The following KIF6 variants were observed in gnomAD, a reference collection of about 807,000 sequenced individuals.
KIF6 encodes the protein kinesin family member 6, also known as kinesin-like protein KIF6.
KIF6 carries 106 observed loss-of-function variants against 112.7 expected under a neutral mutation model. That is an observed-to-expected ratio of 0.94 (90% CI 0.80 to 1.11). The LOEUF (loss-of-function observed/expected upper bound fraction) is 1.11. KIF6 is among the 50% of genes least tolerant of loss of function. The pLI is 0.00. For missense variants in KIF6, 929 were observed against 964.0 expected (o/e 0.96, Z 0.48); for synonymous variants, 339 against 339.9 (o/e 1.00, Z 0.03).
intron 9 of KIF6, among the ~76,000 whole-genome samples, chr6:39,579,221 C>A (rs1693405075): frequency 6.6e-6 from 1 of 152,024 alleles, no homozygotes; most frequent in Non-Finnish European, 1.5e-5. Context: ...TTCCTGTTTC[C>A]ACATTTTTGT....
At chr6:39,523,622 C>T (rs1777520679) in intron 13 of KIF6, among the ~76,000 whole-genome samples, 1 of 125,956 alleles carries the variant, frequency 7.9e-6, no homozygotes, top group African/African-American at 3.1e-5. Context: ...CTCTTCTTTA[C>T]TTCCCTCCCC....
At chr6:39,445,037 T>G (rs533713212) in intron 13 of KIF6, among the ~76,000 whole-genome samples, 8 of 152,268 alleles carry the variant, frequency 5.3e-5, no homozygotes, top group Admixed American at 2.0e-4. Context: ...GGCTGGCTTG[T>G]AGTGAATCCT....
chr6:39,351,387 C>T (rs558902957), intron 19 of KIF6, among the ~76,000 whole-genome samples: 43 of 151,378 alleles, frequency 2.8e-4, no homozygotes, highest in Non-Finnish European at 5.5e-4. Flanking sequence ...TGTGCCACCA[C>T]GCCCGGCTAT....
chr6:39,537,409 C>T lies in KIF6; in HGVS notation c.1645+2594G>A, dbSNP rs1001822168. 8.5e-4 allele frequency among the ~76,000 whole-genome samples: 129 copies of T among 152,048 alleles called. No homozygotes were observed. In the East Asian group the frequency reaches 0.021, roughly 24 times the overall value. On this transcript the variant is annotated intron_variant, in intron 13 of 22. Transcript: ENST00000287152. ...CAATGTACAAAAATCACAAGCATTCCTATACACCAACAACAGACAAACAGA... is the reference window on the plus strand; with the variant it reads ...CAATGTACAAAAATCACAAGCATTCTTATACACCAACAACAGACAAACAGA...
At chr6:39,557,662 G>T (rs976073050) in intron 10 of KIF6, among the ~76,000 whole-genome samples, 1 of 151,974 alleles carries the variant, frequency 6.6e-6, no homozygotes, top group African/African-American at 2.4e-5. Context: ...ACAAAATTTT[G>T]TATATATTTT....
intron 13 of KIF6, among the ~76,000 whole-genome samples, chr6:39,445,320 G>A (rs1395090421): frequency 6.6e-6 from 1 of 152,164 alleles, no homozygotes; most frequent in Non-Finnish European, 1.5e-5. Flanking sequence ...GAGGCAAGAA[G>A]CATCCAGGAG....
At chr6:39,689,920 T>C (rs901381032) in intron 3 of KIF6, 4 of 152,130 alleles carry the variant, frequency 2.6e-5, no homozygotes, top group African/African-American at 9.7e-5. Flanking sequence ...TCAGTACAGG[T>C]TAACAATAAT....
rs192960737 is a variant in KIF6, at chr6:39,586,057, T to G, written c.990+204A>C. Among the ~76,000 whole-genome samples, 4 of 152,268 alleles carry G rather than the reference T, an allele frequency of 2.6e-5. No individual in the cohort carries two copies. In the East Asian group the frequency reaches 7.7e-4, roughly 29 times the overall value. ...CTATCCTGTGCTATGTGAAGTCAAT[T>G]CTCAAATGGGGTTATTATAACAATG... On this transcript the variant is annotated intron_variant, in intron 8 of 22. Transcript: ENST00000287152.
chr6:39,407,573 G>A (rs1388650189), intron 15 of KIF6, among the ~76,000 whole-genome samples: 1 of 152,148 alleles, frequency 6.6e-6, no homozygotes, highest in Non-Finnish European at 1.5e-5. Flanking sequence ...TATGCTGTTT[G>A]GCAAAACAAC....
intron 16 of KIF6, among the ~76,000 whole-genome samples, chr6:39,368,940 G>A (rs1765767029): frequency 6.6e-6 from 1 of 152,198 alleles, no homozygotes; most frequent in Non-Finnish European, 1.5e-5. Flanking sequence ...AGACATCAGA[G>A]CCAGGAGGCA....
intron 3 of KIF6, among the ~76,000 whole-genome samples, chr6:39,712,647 G>A (rs943547854): frequency 6.6e-5 from 10 of 152,092 alleles, no homozygotes; most frequent in African/African-American, 1.9e-4. Flanking sequence ...GGTGGATCAC[G>A]AGGTCAGGAG....
chr6:39,548,312 G>T (rs1779174628), intron 10 of KIF6, among the ~76,000 whole-genome samples: 1 of 152,172 alleles, frequency 6.6e-6, no homozygotes, highest in Non-Finnish European at 1.5e-5. Flanking sequence ...CTGGGCTTTG[G>T]TATTCCATCA....
At chr6:39,529,210 A>G (rs1777907223) in intron 13 of KIF6, among the ~76,000 whole-genome samples, 1 of 152,234 alleles carries the variant, frequency 6.6e-6, no homozygotes, top group Non-Finnish European at 1.5e-5. Context: ...TTACTAGAAG[A>G]AAAGATGGGG....
chr6:39,430,573 A>G (rs772464074), intron 14 of KIF6, among the ~76,000 whole-genome samples: 6 of 152,212 alleles, frequency 3.9e-5, no homozygotes, highest in Non-Finnish European at 5.9e-5. Flanking sequence ...GTCAGCAGAT[A>G]ATCCTGCCTG....
At chr6:39,345,644 G>T in intron 21 of KIF6, 56 bp downstream of exon 21, 1 of 1,416,070 alleles carries the variant, frequency 7.1e-7, no homozygotes, top group Non-Finnish European at 9.8e-7. Flanking sequence ...GGAGATGGAG[G>T]CCCACTCCGC....
intron 15 of KIF6, among the ~76,000 whole-genome samples, chr6:39,391,154 T>C (rs1459212395): frequency 6.6e-6 from 1 of 152,116 alleles, no homozygotes; most frequent in Non-Finnish European, 1.5e-5. Flanking sequence ...GAAGACATTG[T>C]GGGATTTGAT....
intron 13 of KIF6, among the ~76,000 whole-genome samples, chr6:39,458,522 G>T (rs1773289785): frequency 6.6e-6 from 1 of 151,066 alleles, no homozygotes. Flanking sequence ...TTCTGGCCAG[G>T]GCACTCAGGC....
At position 39,335,363 on chromosome 6, in the gene KIF6, G is replaced by A. The variant is rs144747535; in HGVS notation, c.*1169C>T. The stretch of plus-strand genomic sequence containing the variant: ...ATAGGGGTGTGGATTAGAGGAGCTC[G>A]ATGGGCCTGCCTAGCTTAGAAATGT... On this transcript the variant is annotated 3_prime_UTR_variant, in exon 23 of 23. Coordinates refer to ENST00000287152, the MANE Select transcript of KIF6 (RefSeq NM_145027.6). 1,438 of 152,176 alleles carry A rather than the reference G, an allele frequency of 9.4e-3. 8 individuals are homozygous for A. Among genetic ancestry groups the A allele is most frequent in the Non-Finnish European group, 0.015 (1,015 of 68,004 alleles). The allele number at this position is 152,176 out of a possible 1,614,324, so 9.4% of individuals were successfully genotyped here.
At chr6:39,513,284 T>A (rs1776885437) in intron 13 of KIF6, among the ~76,000 whole-genome samples, 1 of 152,064 alleles carries the variant, frequency 6.6e-6, no homozygotes, top group African/African-American at 2.4e-5. Flanking sequence ...CTTTTCCTCC[T>A]CCCTAGTGGA....
Sources: gnomAD v4.1 joint callset for allele counts (sites outside exome capture counted in the v4.1 genomes callset) on GRCh38, gnomAD v4.1.1 for gene constraint, MANE v1.5 for transcripts, NCBI Gene and HGNC (gene_info 2026-07-23, HGNC 2026-07-21) for gene names.